NPRL3: variants seen among roughly 807,000 people sequenced by gnomAD.
NPRL3 encodes the protein GATOR1 complex protein NPRL3.
Under a neutral mutation model 57.2 loss-of-function variants are expected in NPRL3, and 23 were observed. The observed-to-expected ratio is 0.40, with a 90% CI of 0.29 to 0.57. NPRL3 has a LOEUF of 0.57. Among genes scored for constraint, NPRL3 ranks in the 20% least tolerant of loss-of-function variants. NPRL3 has a pLI of 0.42. For missense variants in NPRL3, 691 were observed against 767.1 expected, an observed-to-expected ratio of 0.90 and a Z score of 1.17; for synonymous variants, 333 against 321.1, an observed-to-expected ratio of 1.04 and a Z score of -0.39.
chr16:113,050 TG>T (rs1359172251), intron 5 of NPRL3, among the ~76,000 whole-genome samples: 1 of 151,180 alleles, frequency 6.6e-6, no homozygotes, highest in Non-Finnish European at 1.5e-5. Flanking sequence ...TGGAAATGCC[TG>T]GGTGCCCTAA....
rs370350676 is a variant in NPRL3 at position 92,733 on chromosome 16, C to T, written c.1032-8G>A. 2.9e-5 allele frequency: 47 copies of T among 1,612,840 alleles called. No individual in the cohort carries two copies. The highest frequency in any genetic ancestry group is 3.7e-5 in the Non-Finnish European group (44 of 1,179,506). On this transcript the variant is annotated splice_region_variant and splice_polypyrimidine_tract_variant and intron_variant, in intron 10 of 13. Transcript: ENST00000611875. ...TCGGCCAGCGGGGAGTACCTGCAGG[C>T]AGGTGAGCATGCCAGTGAGTGCAGC...
chr16:116,797 C>CCCT lies in NPRL3; in HGVS notation c.393+503_393+504insAGG, dbSNP rs999833541. On this transcript the variant is annotated intron_variant, in intron 5 of 13. Coordinates refer to ENST00000611875, the MANE Select transcript of NPRL3 (RefSeq NM_001077350.3). ...GGCCAACATGGCGAGACCCCCCCCCCCCACCGATCTCTACTAAAAATACAA... is the reference window on the plus strand; with the variant it reads ...GGCCAACATGGCGAGACCCCCCCCCCCCTCCACCGATCTCTACTAAAAATACAA... 2.0e-3 allele frequency among the ~76,000 whole-genome samples: 290 copies of CCCT among 143,824 alleles called. 8 individuals are homozygous for CCCT. The highest frequency in any genetic ancestry group is 7.1e-3 in the African/African-American group (272 of 38,356). The allele number at this position is 143,824 out of a possible 152,430, so 94.4% of individuals were successfully genotyped here. A position where few individuals can be genotyped will look rare whatever the true frequency, so the allele number is the denominator to read the frequency against.
intron 11 of NPRL3, chr16:91,075 A>T (rs1185251646): frequency 6.6e-6 from 1 of 151,872 alleles, no homozygotes; most frequent in Non-Finnish European, 1.5e-5. Context: ...GCAAGTTTCT[A>T]TATCAAAACA....
Position 85,745 on chromosome 16 carries a change from GA to G in NPRL3, c.*959del. ...GGGCAGCCCCTGGGTCAGTGTGGTC[GA>G]CAGAGTGGCTGAGCAGGACACACAG... On this transcript the variant is annotated 3_prime_UTR_variant, in exon 14 of 14. Transcript: ENST00000611875. The G allele has an allele frequency of 1.3e-6, 2 of 1,514,564 alleles. No homozygotes were observed. The highest frequency in any genetic ancestry group is 1.8e-6 in the Non-Finnish European group (2 of 1,130,468). The allele number at this position is 1,514,564 out of a possible 1,614,324, so 93.8% of individuals were successfully genotyped here.
chr16:111,121 C>T (rs574631196), intron 6 of NPRL3, among the ~76,000 whole-genome samples: 17 of 152,052 alleles, frequency 1.1e-4, no homozygotes, highest in Admixed American at 3.9e-4. Flanking sequence ...GACAGGTAAC[C>T]GGGCGCGGTG....
At position 85,572 on chromosome 16, in the gene NPRL3, T is replaced by A; in HGVS notation, c.*1133A>T. On this transcript the variant is annotated 3_prime_UTR_variant, in exon 14 of 14. Transcript: ENST00000611875. ...CAGGCCCTGGCCATCAACAAGAGCT[T>A]TGACCAGAGGGACCTGGCACAGGAT... is the stretch of plus-strand genomic sequence containing the variant. 1 of 1,613,316 alleles carries A rather than the reference T, an allele frequency of 6.2e-7. No individual in the cohort carries two copies. The highest frequency in any genetic ancestry group is 8.5e-7 in the Non-Finnish European group (1 of 1,179,884).
At chr16:123,591 T>A in intron 3 of NPRL3, 2 of 465,926 alleles carry the variant, frequency 4.3e-6, no homozygotes, top group Non-Finnish European at 8.9e-6. Flanking sequence ...AACATATCAC[T>A]TTTTTAAAAA....
intron 10 of NPRL3, chr16:92,987 A>C (rs1449449607): frequency 1.6e-6 from 1 of 614,884 alleles, no homozygotes; most frequent in African/African-American, 1.8e-5. Flanking sequence ...GCCAGCCTGG[A>C]GGAGGGGGCC....
In NPRL3 at chr16:92,686, T is replaced by G; in HGVS notation, c.1071A>C (p.Pro357=). The G allele has an allele frequency of 6.2e-7, 1 of 1,613,764 alleles. No homozygotes were observed. The highest frequency in any genetic ancestry group is 8.5e-7 in the Non-Finnish European group (1 of 1,179,788). The stretch of plus-strand genomic sequence containing the variant: ...CAAGAACGGACGGCAGGTCATGAGA[T>G]GGGAACTGGTGGGAGAACTGCTCGG... ...PLAEQFSHQF[P]SHDLPSVLAK... The change falls in exon 11 of 14, where the codon CCA becomes CCC. Residue 357 remains proline, a synonymous_variant. Coordinates refer to ENST00000611875, the MANE Select transcript of NPRL3 (RefSeq NM_001077350.3).
At chr16:119,562 T>C (rs1900197792) in intron 3 of NPRL3, among the ~76,000 whole-genome samples, 1 of 152,202 alleles carries the variant, frequency 6.6e-6, no homozygotes, top group African/African-American at 2.4e-5. Flanking sequence ...AAAGGGAGGA[T>C]CAGCTGGAGC....
intron 7 of NPRL3, among the ~76,000 whole-genome samples, chr16:103,593 T>G (rs984210940): frequency 1.3e-5 from 2 of 152,076 alleles, no homozygotes; most frequent in Non-Finnish European, 2.9e-5. Context: ...GTGCTGTGGC[T>G]CCCAGCACCA....
intron 13 of NPRL3, among the ~76,000 whole-genome samples, chr16:87,869 T>G (rs1380459890): frequency 7.9e-5 from 1 of 12,686 alleles, no homozygotes; most frequent in Non-Finnish European, 4.1e-4. Context: ...CGCGCCTGAC[T>G]TTTTTTTTTT....
At chr16:102,152 A>G (rs1002221719) in intron 7 of NPRL3, among the ~76,000 whole-genome samples, 2 of 152,198 alleles carry the variant, frequency 1.3e-5, no homozygotes, top group Admixed American at 1.3e-4. Flanking sequence ...CCCTCGGGGA[A>G]CCACACAAAA....
chr16:135,552 T>G (rs1328418431), intron 2 of NPRL3, among the ~76,000 whole-genome samples: 1 of 135,752 alleles, frequency 7.4e-6, no homozygotes, highest in Non-Finnish European at 1.5e-5. Context: ...GAGGTTGCAG[T>G]GAGCCAAGAT....
chr16:107,241 C>T (rs940588355), intron 7 of NPRL3, among the ~76,000 whole-genome samples: 4 of 152,210 alleles, frequency 2.6e-5, no homozygotes, highest in Admixed American at 2.6e-4. Flanking sequence ...AAGTTCTGAG[C>T]TCCTCCGCAG....
intron 4 of NPRL3, 82 bp from the exon 5 acceptor site, chr16:117,457 A>G (rs972667736): frequency 1.1e-6 from 1 of 940,564 alleles, no homozygotes; most frequent in Non-Finnish European, 1.6e-6. Flanking sequence ...CAGGCATGGC[A>G]AAAGTCCCCA....
intron 3 of NPRL3, among the ~76,000 whole-genome samples, chr16:127,694 G>T (rs530990452): frequency 8.4e-5 from 12 of 143,184 alleles, no homozygotes; most frequent in Non-Finnish European, 1.5e-4. Context: ...TCACTCTGTT[G>T]CCCAGGCTGG....
chr16:117,862 G>A (rs1487040954), intron 4 of NPRL3, among the ~76,000 whole-genome samples: 1 of 152,250 alleles, frequency 6.6e-6, no homozygotes, highest in Non-Finnish European at 1.5e-5. Flanking sequence ...GCTTCACAAG[G>A]ACCAGGGCGC....
rs1298479449 is a variant in NPRL3, at chr16:103,683, GA to G, written c.630-3175del. Among the ~76,000 whole-genome samples the G allele has an allele frequency of 5.9e-5, 9 of 152,252 alleles. No homozygotes were observed. The East Asian group carries it at 9.7e-4, about 16-fold the overall frequency. ...TGGGGGCTTCACTCAGCGGCATCTA[GA>G]CAGACACATAATTGGCCGGGCGTGG... On this transcript the variant is annotated intron_variant, in intron 7 of 13. Transcript: ENST00000611875.
Sources: allele counts gnomAD v4.1 joint callset (sites outside exome capture counted in the v4.1 genomes callset), GRCh38; gene constraint gnomAD v4.1.1; transcripts MANE v1.5; gene names NCBI Gene and HGNC (gene_info 2026-07-23, HGNC 2026-07-21).